The following BIN2 variants were observed in gnomAD, a reference collection of about 807,000 sequenced individuals.
The protein encoded by BIN2 is breast cancer associated protein BRAP1.
BIN2 carries 43 observed loss-of-function variants against 67.9 expected under a neutral mutation model. The observed-to-expected ratio is 0.63, with a 90% confidence interval of 0.50 to 0.82. The LOEUF is 0.82. BIN2 is among the 40% of genes least tolerant of loss of function. The pLI is 0.00. For missense variants in BIN2, 581 were observed against 671.6 expected, an observed-to-expected ratio of 0.87 and a Z score of 1.49; for synonymous variants, 244 against 246.8, an observed-to-expected ratio of 0.99 and a Z score of 0.11.
intron 5 of BIN2, among the ~76,000 whole-genome samples, chr12:51,300,886 C>A (rs1168460631): frequency 6.6e-6 from 1 of 152,214 alleles, no homozygotes; most frequent in Non-Finnish European, 1.5e-5. Flanking sequence ...CTTCTAACTT[C>A]TTCCTCTGAA....
intron 2 of BIN2, among the ~76,000 whole-genome samples, chr12:51,305,826 C>CTTTTTTT (rs1168899685): frequency 4.5e-4 from 37 of 82,428 alleles, no homozygotes; most frequent in African/African-American, 5.5e-4. Context: ...TGTTTTCTTT[C>CTTTTTTT]TTTTTTTTTT....
intron 3 of BIN2, 104 bp downstream of exon 3, chr12:51,302,983 T>A (rs1945769683): frequency 1.5e-6 from 2 of 1,370,300 alleles, no homozygotes; most frequent in African/African-American, 2.9e-5. Flanking sequence ...AGTAGTCAAA[T>A]GATAAAATGA....
intron 1 of BIN2, 78 bp downstream of exon 1, chr12:51,323,944 G>C (rs1946359568): frequency 6.4e-7 from 1 of 1,565,746 alleles, no homozygotes; most frequent in Admixed American, 1.8e-5. Context: ...CACCCTGCCC[G>C]CCCCTCCTGC....
At chr12:51,290,870 T>A (rs1305072569) in intron 10 of BIN2, among the ~76,000 whole-genome samples, 1 of 152,154 alleles carries the variant, frequency 6.6e-6, no homozygotes, top group Non-Finnish European at 1.5e-5. Flanking sequence ...GAGGCGGAGC[T>A]TGCAGTGAGC....
chr12:51,295,759 G>A (rs754822349), intron 9 of BIN2, 37 bp downstream of exon 9: 3 of 1,572,728 alleles, frequency 1.9e-6, no homozygotes, highest in Non-Finnish European at 1.7e-6. Flanking sequence ...TTCACACACA[G>A]GACAAGCGAA....
At chr12:51,308,559 A>G (rs1945925223) in intron 2 of BIN2, among the ~76,000 whole-genome samples, 1 of 152,162 alleles carries the variant, frequency 6.6e-6, no homozygotes, top group Admixed American at 6.6e-5. Context: ...TGGCTCAGAC[A>G]CTCAGCAAAA....
intron 2 of BIN2, among the ~76,000 whole-genome samples, chr12:51,308,580 T>C (rs971762245): frequency 2.6e-5 from 4 of 152,146 alleles, no homozygotes; most frequent in Admixed American, 2.6e-4. Flanking sequence ...CAAGTGTAAA[T>C]AGCATGCCCA....
upstream of BIN2, chr12:51,324,438 C>T: frequency 6.8e-7 from 1 of 1,464,976 alleles, no homozygotes; most frequent in Non-Finnish European, 9.0e-7. Flanking sequence ...CAGTTCCCAT[C>T]ACGCTGAGCA....
intron 2 of BIN2, among the ~76,000 whole-genome samples, chr12:51,311,511 C>T (rs1381065525): frequency 6.6e-6 from 1 of 152,060 alleles, no homozygotes; most frequent in Admixed American, 6.5e-5. Context: ...TCCCAGGTAG[C>T]TGGGACTACA....
At chr12:51,283,802 C>G (rs981185741) in intron 12 of BIN2, among the ~76,000 whole-genome samples, 1 of 151,996 alleles carries the variant, frequency 6.6e-6, no homozygotes, top group African/African-American at 2.4e-5. Flanking sequence ...TGAGACCAGC[C>G]TGACCAACAT....
At chr12:51,282,662 C>A (rs1945142970) in intron 12 of BIN2, among the ~76,000 whole-genome samples, 1 of 152,140 alleles carries the variant, frequency 6.6e-6, no homozygotes, top group African/African-American at 2.4e-5. Context: ...GTGGCACAAT[C>A]CTGGCTCACT....
At chr12:51,297,288 G>T (rs538366798) in intron 7 of BIN2, 124 bp from the exon 8 acceptor site, 5 of 890,588 alleles carry the variant, frequency 5.6e-6, no homozygotes, top group Non-Finnish European at 7.0e-6. Flanking sequence ...AAGCCATCCC[G>T]CTGGGCACAG....
At chr12:51,324,202 G>T, upstream of BIN2, 7 of 1,517,210 alleles carry the variant, frequency 4.6e-6, no homozygotes, top group Non-Finnish European at 5.3e-6. Flanking sequence ...CTCGCATCCG[G>T]CCCCAGCCCT....
chr12:51,323,817 G>A (rs570681171), intron 1 of BIN2, among the ~76,000 whole-genome samples: 1 of 152,254 alleles, frequency 6.6e-6, no homozygotes, highest in African/African-American at 2.4e-5. Context: ...AGATCGGGTG[G>A]CGGTCTCCGA....
At chr12:51,309,353 T>C (rs541995865) in intron 2 of BIN2, among the ~76,000 whole-genome samples, 14 of 152,222 alleles carry the variant, frequency 9.2e-5, no homozygotes, top group Non-Finnish European at 1.6e-4. Flanking sequence ...GTCACTGTCT[T>C]CCTCCATAAA....
intron 5 of BIN2, among the ~76,000 whole-genome samples, chr12:51,301,143 G>A (rs1375635240): frequency 6.6e-6 from 1 of 152,038 alleles, no homozygotes; most frequent in African/African-American, 2.4e-5. Context: ...CCTAGAACCC[G>A]GGAGGCGGGG....
intron 2 of BIN2, among the ~76,000 whole-genome samples, chr12:51,313,216 A>C (rs192703880): frequency 1.4e-4 from 13 of 91,640 alleles, no homozygotes; most frequent in South Asian, 3.7e-4. Context: ...GGAAGGAAGG[A>C]AGGAAGGCAG....
intron 1 of BIN2, among the ~76,000 whole-genome samples, chr12:51,320,531 T>A (rs971228298): frequency 6.6e-6 from 1 of 152,080 alleles, no homozygotes; most frequent in African/African-American, 2.4e-5. Flanking sequence ...ATAATTCCTA[T>A]TTCAAATTCA....
At chr12:51,321,455 A>G (rs1231782677) in intron 1 of BIN2, among the ~76,000 whole-genome samples, 1 of 151,908 alleles carries the variant, frequency 6.6e-6, no homozygotes, top group Admixed American at 6.6e-5. Context: ...GTTGGAGTGC[A>G]ATGGCGCGAT....
Sources: gnomAD v4.1 joint callset for allele counts (sites outside exome capture counted in the v4.1 genomes callset) on GRCh38, gnomAD v4.1.1 for gene constraint, MANE v1.5 for transcripts, NCBI Gene and HGNC (gene_info 2026-07-23, HGNC 2026-07-21) for gene names.